HEMK2: variants seen among roughly 807,000 people sequenced by gnomAD.
HEMK2 encodes methyltransferase HEMK2.
the HEMK2 span, among the ~76,000 whole-genome samples, chr21:28,868,002 C>T: frequency 2.0e-5 from 3 of 152,024 alleles, no homozygotes; most frequent in Admixed American, 1.3e-4. Context: ...CATTGTTTCC[C>T]TTTGTGTATA....
At chr21:28,860,673 A>G in the HEMK2 span, among the ~76,000 whole-genome samples, 1 of 147,644 alleles carries the variant, frequency 6.8e-6, no homozygotes, top group African/African-American at 2.6e-5. Context: ...AAAGAGCTGA[A>G]ACTGAAAAAA....
the HEMK2 span, among the ~76,000 whole-genome samples, chr21:28,829,707 T>A: frequency 6.6e-6 from 1 of 152,210 alleles, no homozygotes. Context: ...TTTTAAGACA[T>A]CTGAGTAGGG....
the HEMK2 span, among the ~76,000 whole-genome samples, chr21:28,703,704 C>T: frequency 6.6e-6 from 1 of 152,194 alleles, no homozygotes; most frequent in Non-Finnish European, 1.5e-5. Flanking sequence ...TACTGTATTT[C>T]ATTTCTTACG....
the HEMK2 span, among the ~76,000 whole-genome samples, chr21:28,688,285 C>T: frequency 6.6e-6 from 1 of 152,314 alleles, no homozygotes; most frequent in East Asian, 1.9e-4. Context: ...TTCAAATATA[C>T]TCCAGTGTAA....
chr21:28,720,532 A>T, the HEMK2 span, among the ~76,000 whole-genome samples: 1 of 152,216 alleles, frequency 6.6e-6, no homozygotes, highest in South Asian at 2.1e-4. Context: ...CAGGAGTTTG[A>T]GACCAGCTTG....
chr21:28,838,112 T>G, the HEMK2 span, among the ~76,000 whole-genome samples: 22,313 of 152,080 alleles, frequency 0.15, 3,089 homozygotes, highest in African/African-American at 0.35. Flanking sequence ...TACCAGACAT[T>G]TAAAGAAAAA....
chr21:28,641,298 A>C, the HEMK2 span, among the ~76,000 whole-genome samples: 1 of 152,210 alleles, frequency 6.6e-6, no homozygotes, highest in Non-Finnish European at 1.5e-5. Context: ...ATGGAAGGTG[A>C]TGTTTTGAAC....
the HEMK2 span, among the ~76,000 whole-genome samples, chr21:28,677,350 A>C: frequency 6.6e-6 from 1 of 152,112 alleles, no homozygotes; most frequent in African/African-American, 2.4e-5. Flanking sequence ...AGGCTGGGGG[A>C]CGGGTGTCCA....
chr21:28,795,251 TTTTC>T, the HEMK2 span, among the ~76,000 whole-genome samples: 1,311 of 152,318 alleles, frequency 8.6e-3, 28 homozygotes, highest in African/African-American at 0.03. Flanking sequence ...GTAATATCAA[TTTTC>T]TTTCTTAATA....
chr21:28,728,057 A>T, the HEMK2 span, among the ~76,000 whole-genome samples: 1 of 152,220 alleles, frequency 6.6e-6, no homozygotes, highest in African/African-American at 2.4e-5. Flanking sequence ...TAGCCCAGTG[A>T]GGCCCATTTC....
the HEMK2 span, among the ~76,000 whole-genome samples, chr21:28,828,855 G>A: frequency 6.6e-6 from 1 of 152,030 alleles, no homozygotes; most frequent in Non-Finnish European, 1.5e-5. Flanking sequence ...CCTTAGAATA[G>A]CATCTTTCTT....
At chr21:28,841,289 TA>T in the HEMK2 span, among the ~76,000 whole-genome samples, 1 of 5,328 alleles carries the variant, frequency 1.9e-4, no homozygotes, top group Non-Finnish European at 2.4e-4. Context: ...ATATATAATA[TA>T]TATTATATAT....
the HEMK2 span, among the ~76,000 whole-genome samples, chr21:28,832,113 C>T: frequency 6.6e-6 from 1 of 152,162 alleles, no homozygotes; most frequent in Non-Finnish European, 1.5e-5. Flanking sequence ...CATCATAAAC[C>T]CAACAGAGCA....
At chr21:28,638,878 C>G in the HEMK2 span, among the ~76,000 whole-genome samples, 2 of 152,286 alleles carry the variant, frequency 1.3e-5, no homozygotes, top group African/African-American at 2.4e-5. Flanking sequence ...TGAAATCTGC[C>G]AGGCTATTTG....
the HEMK2 span, among the ~76,000 whole-genome samples, chr21:28,649,283 C>T: frequency 6.6e-6 from 1 of 152,074 alleles, no homozygotes; most frequent in Non-Finnish European, 1.5e-5. Context: ...AGAATGTTCA[C>T]AAAAACTAAA....
the HEMK2 span, among the ~76,000 whole-genome samples, chr21:28,805,670 C>CT: frequency 5.0e-4 from 76 of 151,192 alleles, 1 homozygote; most frequent in Admixed American, 8.6e-4. Flanking sequence ...AAAAGCTGTG[C>CT]TTTTTTTTTC....
At chr21:28,796,929 A>G in the HEMK2 span, among the ~76,000 whole-genome samples, 4 of 152,312 alleles carry the variant, frequency 2.6e-5, no homozygotes, top group East Asian at 7.7e-4. Flanking sequence ...TATAAATTTC[A>G]AATTGTAATT....
At chr21:28,858,070 C>T in the HEMK2 span, among the ~76,000 whole-genome samples, 1 of 152,214 alleles carries the variant, frequency 6.6e-6, no homozygotes, top group African/African-American at 2.4e-5. Context: ...AAAACAGCTG[C>T]AAGGTTCTAC....
the HEMK2 span, among the ~76,000 whole-genome samples, chr21:28,877,068 G>GA: frequency 1.6e-3 from 106 of 67,908 alleles, 2 homozygotes; most frequent in African/African-American, 5.6e-3. Flanking sequence ...GGGAAGGAGG[G>GA]AGGGAAGGGA....
Sources: gnomAD v4.1 joint callset for allele counts (sites outside exome capture counted in the v4.1 genomes callset) on GRCh38, gnomAD v4.1.1 for gene constraint, MANE v1.5 for transcripts, NCBI Gene and HGNC (gene_info 2026-07-23, HGNC 2026-07-21) for gene names.